Variants in PRIM2 observed in about 807,000 individuals in gnomAD.
PRIM2 encodes the protein DNA primase large subunit.
A neutral mutation model predicts 67.3 loss-of-function variants in PRIM2; 39 were observed. That is an observed-to-expected ratio of 0.58 (90% CI 0.45 to 0.76). PRIM2 has a LOEUF of 0.76. Among genes scored for constraint, PRIM2 ranks in the 30% least tolerant of loss-of-function variants. The probability of loss-of-function intolerance (pLI) is 0.00; values close to 1 mark genes in which losing one functional copy is unlikely to be tolerated. For missense variants in PRIM2, 398 were observed against 598.7 expected, an observed-to-expected ratio of 0.66 and a Z score of 3.50; for synonymous variants, 143 against 198.7, an observed-to-expected ratio of 0.72 and a Z score of 2.36.
intron 7 of PRIM2, among the ~76,000 whole-genome samples, chr6:57,447,417 G>C (rs1772402786): frequency 1.3e-5 from 2 of 152,204 alleles, no homozygotes; most frequent in African/African-American, 4.8e-5. Flanking sequence ...TCAGAGATCA[G>C]ATCCTTCTGG....
chr6:57,592,561 G>A (rs1776299846), intron 10 of PRIM2, among the ~76,000 whole-genome samples: 1 of 152,172 alleles, frequency 6.6e-6, no homozygotes, highest in African/African-American at 2.4e-5. Flanking sequence ...TTGGGAGGCT[G>A]AGGTGGGTGG....
chr6:57,473,371 T>C (rs1470330703), intron 7 of PRIM2, among the ~76,000 whole-genome samples: 49,789 of 152,028 alleles, frequency 0.33, 8,134 homozygotes, highest in East Asian at 0.45. Context: ...GACTTTGTAC[T>C]GTATCTGATG....
intron 5 of PRIM2, among the ~76,000 whole-genome samples, chr6:57,342,061 T>C (rs1768511723): frequency 1.3e-5 from 2 of 152,252 alleles, no homozygotes; most frequent in Non-Finnish European, 2.9e-5. Context: ...AGTTGTATTG[T>C]GTCCTTCGAT....
At chr6:57,279,748 G>A in the PRIM2 span, among the ~76,000 whole-genome samples, 1 of 152,200 alleles carries the variant, frequency 6.6e-6, no homozygotes, top group African/African-American at 2.4e-5. Context: ...TGTGCTCAAG[G>A]GAATCACAGA....
intron 7 of PRIM2, among the ~76,000 whole-genome samples, chr6:57,503,486 C>T (rs1554347061): frequency 9.2e-5 from 14 of 152,162 alleles, no homozygotes; most frequent in Admixed American, 7.9e-4. Context: ...CAGTGGCTCA[C>T]GTGTACGATC....
intron 8 of PRIM2, among the ~76,000 whole-genome samples, chr6:57,526,388 TG>T (rs1261514527): frequency 6.6e-6 from 1 of 152,208 alleles, no homozygotes; most frequent in Non-Finnish European, 1.5e-5. Flanking sequence ...TATTTATGGA[TG>T]AAAAAAAGTG....
chr6:57,468,694 G>A (rs1175033231), intron 7 of PRIM2, among the ~76,000 whole-genome samples: 2 of 152,130 alleles, frequency 1.3e-5, no homozygotes, highest in African/African-American at 2.4e-5. Flanking sequence ...ACTATTTTTA[G>A]CAAATATTTT....
intron 7 of PRIM2, among the ~76,000 whole-genome samples, chr6:57,461,614 A>G (rs1305139331): frequency 6.6e-6 from 1 of 152,132 alleles, no homozygotes; most frequent in Admixed American, 6.6e-5. Flanking sequence ...ACTTTGTTTA[A>G]TTTTCAATGT....
At chr6:57,478,795 G>A (rs1773544750) in intron 7 of PRIM2, among the ~76,000 whole-genome samples, 1 of 152,008 alleles carries the variant, frequency 6.6e-6, no homozygotes, top group African/African-American at 2.4e-5. Context: ...TTTTTCCAGG[G>A]TTCTGTTCTT....
intron 7 of PRIM2, among the ~76,000 whole-genome samples, chr6:57,499,644 C>T (rs1554346672): frequency 2.0e-5 from 3 of 152,162 alleles, no homozygotes; most frequent in Non-Finnish European, 4.4e-5. Context: ...CTTTTTCTTT[C>T]GGTCTTCATT....
rs113176686 is a variant in PRIM2 at position 57,387,124 on chromosome 6, T to A, written c.693+4956T>A. ...TGTGCTAAGTATATCTCCTTTGTGT[T>A]CCCACAGCATTCTGCACACGACCAA... On this transcript the variant is annotated intron_variant, in intron 7 of 13. Coordinates refer to ENST00000615550, the MANE Select transcript of PRIM2 (RefSeq NM_000947.5). Among the ~76,000 whole-genome samples, 1,023 of 152,306 alleles carry A rather than the reference T, an allele frequency of 6.7e-3. 19 individuals are homozygous for A. Among genetic ancestry groups the A allele is most frequent in the African/African-American group, 0.024 (982 of 41,562 alleles).
the PRIM2 span, among the ~76,000 whole-genome samples, chr6:57,222,889 T>C: frequency 6.6e-6 from 1 of 152,300 alleles, no homozygotes; most frequent in Non-Finnish European, 1.5e-5. Context: ...TGAAAAACAG[T>C]TTGGGACTGT....
intron 6 of PRIM2, among the ~76,000 whole-genome samples, chr6:57,380,357 G>GC (rs1270569998): frequency 1.4e-4 from 21 of 152,150 alleles, no homozygotes; most frequent in East Asian, 1.4e-3. Flanking sequence ...TTGCGTGGAA[G>GC]CCCCCTTTCG....
At chr6:57,479,253 G>T (rs1466067176) in intron 7 of PRIM2, among the ~76,000 whole-genome samples, 5 of 152,208 alleles carry the variant, frequency 3.3e-5, no homozygotes, top group Non-Finnish European at 7.3e-5. Context: ...TGATTTGTGT[G>T]TTGGTTGATA....
At chr6:57,569,506 C>T (rs1775820907) in intron 10 of PRIM2, among the ~76,000 whole-genome samples, 1 of 151,778 alleles carries the variant, frequency 6.6e-6, no homozygotes, top group African/African-American at 2.4e-5. Context: ...TTCTTAAAAC[C>T]AAAACACTGA....
At chr6:57,304,012 T>C in the PRIM2 span, among the ~76,000 whole-genome samples, 1 of 152,172 alleles carries the variant, frequency 6.6e-6, no homozygotes, top group African/African-American at 2.4e-5. Context: ...GGTTGATATT[T>C]TTACTTTATA....
intron 7 of PRIM2, chr6:57,383,445 G>A (rs1184786840): frequency 2.6e-5 from 4 of 152,040 alleles, no homozygotes; most frequent in Non-Finnish European, 5.9e-5. Context: ...CTTCTGGCAT[G>A]TTAATGCTAC....
At chr6:57,291,982 G>T in the PRIM2 span, among the ~76,000 whole-genome samples, 1 of 152,266 alleles carries the variant, frequency 6.6e-6, no homozygotes. Context: ...GCATAGGGTT[G>T]GAAGTTCTGG....
chr6:57,334,766 G>C (rs1768165927), intron 5 of PRIM2, among the ~76,000 whole-genome samples: 1 of 152,208 alleles, frequency 6.6e-6, no homozygotes, highest in Admixed American at 6.5e-5. Context: ...ATGCTGGGTA[G>C]TAATATTACG....
Sources: gnomAD v4.1 joint callset for allele counts (sites outside exome capture counted in the v4.1 genomes callset) on GRCh38, gnomAD v4.1.1 for gene constraint, MANE v1.5 for transcripts, NCBI Gene and HGNC (gene_info 2026-07-23, HGNC 2026-07-21) for gene names.